Variants in SGPP1 observed in about 807,000 individuals in gnomAD.
SGPP1 encodes the protein sphingosine-1-phosphate phosphatase 1, also known as hSPP1.
In SGPP1, 21 loss-of-function variants were observed where a neutral mutation model predicts 33.0. The ratio of observed to expected loss-of-function variants is 0.64; its 90% CI spans 0.45 to 0.92. SGPP1 has a LOEUF of 0.92. SGPP1 is among the 40% of genes least tolerant of loss of function. SGPP1 has a pLI of 0.00. For missense variants in SGPP1, 543 were observed against 589.4 expected, an observed-to-expected ratio of 0.92 and a Z score of 0.81; for synonymous variants, 239 against 241.2, an observed-to-expected ratio of 0.99 and a Z score of 0.08.
intron 1 of SGPP1, 80 bp from the exon 2 acceptor site, chr14:63,698,738 CTA>C: frequency 1.3e-6 from 1 of 767,816 alleles, no homozygotes; most frequent in Admixed American, 3.4e-5. Context: ...AATCAAATCA[CTA>C]TTCTATAAAG....
chr14:63,706,347 G>C (rs575560976), intron 1 of SGPP1, among the ~76,000 whole-genome samples: 26 of 152,192 alleles, frequency 1.7e-4, no homozygotes, highest in Non-Finnish European at 3.4e-4. Context: ...TTTGGAACTA[G>C]ATAGAAACAA....
chr14:63,690,834 C>A (rs1885079021), intron 2 of SGPP1, among the ~76,000 whole-genome samples: 1 of 152,148 alleles, frequency 6.6e-6, no homozygotes, highest in African/African-American at 2.4e-5. Context: ...TCTCAGCCTC[C>A]CAAGTAGCTG....
intron 1 of SGPP1, 28 bp downstream of exon 1, chr14:63,727,233 G>T: frequency 6.3e-7 from 1 of 1,579,484 alleles, no homozygotes. Context: ...AACTCCCCCA[G>T]GCTGAACAGG....
At chr14:63,694,148 A>G (rs997382843) in intron 2 of SGPP1, among the ~76,000 whole-genome samples, 16 of 151,984 alleles carry the variant, frequency 1.1e-4, no homozygotes, top group African/African-American at 3.6e-4. Context: ...TCAGCAGGGC[A>G]TGGTGGTCCC....
chr14:63,690,165 G>C (rs1885062361), intron 2 of SGPP1, among the ~76,000 whole-genome samples: 1 of 152,154 alleles, frequency 6.6e-6, no homozygotes. Flanking sequence ...TCAGCCTCCT[G>C]AGTAACTGGG....
chr14:63,718,571 C>T (rs937582878), intron 1 of SGPP1, among the ~76,000 whole-genome samples: 1 of 151,760 alleles, frequency 6.6e-6, no homozygotes, highest in Middle Eastern at 3.2e-3. Flanking sequence ...GATATAAATG[C>T]ATGACAAAGA....
rs114440800 is a variant in SGPP1 at position 63,705,162 on chromosome 14, G to A, written c.685-6504C>T. ...CAAAAAAACAAAACAAAACACTCAT[G>A]TACATCAAAGGAAATTATCAAGAAA... On this transcript the variant is annotated intron_variant, in intron 1 of 2. Coordinates refer to ENST00000247225, the MANE Select transcript of SGPP1 (RefSeq NM_030791.4). 7.6e-3 allele frequency among the ~76,000 whole-genome samples: 1,132 copies of A among 149,686 alleles called. 16 individuals carry two copies. The highest frequency in any genetic ancestry group is 0.026 in the African/African-American group (1,066 of 40,624).
chr14:63,716,469 G>A (rs1460771435), intron 1 of SGPP1, among the ~76,000 whole-genome samples: 3 of 151,644 alleles, frequency 2.0e-5, no homozygotes, highest in Admixed American at 1.3e-4. Flanking sequence ...ACTCTAGCCT[G>A]GGCAACAGAG....
At chr14:63,701,947 G>GAAA (rs1491515527) in intron 1 of SGPP1, among the ~76,000 whole-genome samples, 2 of 109,028 alleles carry the variant, frequency 1.8e-5, no homozygotes, top group African/African-American at 8.8e-5. Flanking sequence ...ACCAAAAGAA[G>GAAA]TAAAAAAAAA....
At chr14:63,722,691 C>G (rs1171059160) in intron 1 of SGPP1, among the ~76,000 whole-genome samples, 4 of 151,820 alleles carry the variant, frequency 2.6e-5, no homozygotes, top group African/African-American at 9.7e-5. Flanking sequence ...TTTAGCAGGG[C>G]AAGGTGGCTG....
chr14:63,724,617 A>AG (rs1491393411), intron 1 of SGPP1, among the ~76,000 whole-genome samples: 1 of 107,752 alleles, frequency 9.3e-6, no homozygotes, highest in African/African-American at 4.5e-5. Context: ...AAGGATCTTT[A>AG]AAAAAAAAAA....
chr14:63,726,445 TA>T (rs748705454), intron 1 of SGPP1, among the ~76,000 whole-genome samples: 2,675 of 144,586 alleles, frequency 0.019, 50 homozygotes, highest in African/African-American at 0.049. Context: ...CAGAGAGGGT[TA>T]AAAAAAAAAA....
At chr14:63,715,042 T>G (rs1319581959) in intron 1 of SGPP1, among the ~76,000 whole-genome samples, 1 of 151,044 alleles carries the variant, frequency 6.6e-6, no homozygotes, top group Non-Finnish European at 1.5e-5. Context: ...TTTTTTTTTT[T>G]TTGAGATGGA....
intron 1 of SGPP1, among the ~76,000 whole-genome samples, chr14:63,713,719 G>C (rs1228583841): frequency 2.0e-5 from 3 of 152,174 alleles, no homozygotes; most frequent in Non-Finnish European, 4.4e-5. Flanking sequence ...GTATTTTCTT[G>C]CTATTGTCTT....
At chr14:63,688,679 T>G (rs1043023664) in intron 2 of SGPP1, among the ~76,000 whole-genome samples, 17 of 152,054 alleles carry the variant, frequency 1.1e-4, no homozygotes, top group Admixed American at 6.5e-4. Flanking sequence ...ACTTTTTTCA[T>G]GGATACTAGA....
Position 63,684,250 on chromosome 14 carries a change from A to G in SGPP1, c.*1855T>C, listed in dbSNP as rs957504931. ...CAATTTGGCTTTTATTTTAAAATAC[A>G]TTTAGCATAGAACTGTCATAGGACA... On this transcript the variant is annotated 3_prime_UTR_variant, in exon 3 of 3. Transcript: ENST00000247225. The G allele has an allele frequency of 2.6e-5, 4 of 152,154 alleles. No homozygotes were observed. The highest frequency in any genetic ancestry group is 9.6e-5 in the African/African-American group (4 of 41,462). The allele number at this position is 152,154 out of a possible 1,614,324, so 9.4% of individuals were successfully genotyped here. A position where few individuals can be genotyped will look rare whatever the true frequency, so the allele number is the denominator to read the frequency against.
In SGPP1 at chr14:63,711,076, C is replaced by T. The variant is rs548202674; in HGVS notation, c.685-12418G>A. On this transcript the variant is annotated intron_variant, in intron 1 of 2. Coordinates refer to ENST00000247225, the MANE Select transcript of SGPP1 (RefSeq NM_030791.4). ...CTGCCCAGGCTGGAGTGCAATGGCG[C>T]GATCTTGGCTCACTGCAACCTCTGC... Among the ~76,000 whole-genome samples the T allele has an allele frequency of 2.7e-4, 40 of 150,174 alleles. No individual in the cohort carries two copies. In the South Asian group the frequency reaches 7.3e-3, roughly 27 times the overall value.
chr14:63,719,804 T>C lies in SGPP1; in HGVS notation c.684+7457A>G, dbSNP rs555416527. On this transcript the variant is annotated intron_variant, in intron 1 of 2. Transcript: ENST00000247225. Reference sequence around the variant, plus strand: ...ATCATAGACACATAATTAGTATTCATTAATTGTTGGACTTAAAAAAAAAAA... The same window carrying C: ...ATCATAGACACATAATTAGTATTCACTAATTGTTGGACTTAAAAAAAAAAA... 3.0e-4 allele frequency among the ~76,000 whole-genome samples: 45 copies of C among 151,232 alleles called. No homozygotes were observed. The South Asian group carries it at 8.6e-3, about 29-fold the overall frequency.
intron 2 of SGPP1, among the ~76,000 whole-genome samples, chr14:63,687,847 G>A (rs1885011160): frequency 6.6e-6 from 1 of 152,182 alleles, no homozygotes; most frequent in South Asian, 2.1e-4. Context: ...GAGGTCAGGT[G>A]CAGTGGCTCA....
Sources: allele counts gnomAD v4.1 joint callset (sites outside exome capture counted in the v4.1 genomes callset), GRCh38; gene constraint gnomAD v4.1.1; transcripts MANE v1.5; gene names NCBI Gene and HGNC (gene_info 2026-07-23, HGNC 2026-07-21).